SHROOM2: variants seen among roughly 807,000 people sequenced by gnomAD.
SHROOM2 encodes shroom family member 2, also known as protein Shroom2.
SHROOM2 carries 33 observed loss-of-function variants against 75.9 expected under a neutral mutation model. The ratio of observed to expected loss-of-function variants is 0.43; its 90% CI spans 0.33 to 0.58. SHROOM2 has a LOEUF of 0.58. Ranked by LOEUF, SHROOM2 falls within the 20% of genes least tolerant of loss-of-function variation. The pLI is 0.04. For synonymous variants in SHROOM2, 655 were observed against 663.6 expected (o/e 0.99, Z 0.20); for missense variants, 1,434 against 1,461.2 (o/e 0.98, Z 0.30).
Position 9,786,462 on chromosome X carries a change from G to T in SHROOM2, c.-84G>T, listed in dbSNP as rs1445948386. 4.8e-5 allele frequency: 35 copies of T among 732,403 alleles called. No individual in the cohort carries two copies. The highest frequency in any genetic ancestry group is 1.4e-3 in the Middle Eastern group (2 of 1,472). The allele number at this position is 732,403 out of a possible 1,213,427, so 60.4% of individuals were successfully genotyped here. On this transcript the variant is annotated 5_prime_UTR_variant, in exon 1 of 10. Transcript: ENST00000380913. ...TCCAAGTTACGGCGCAAGTTCTGCG[G>T]CGCTCGGAGCCTCCCTTGCGATCCC... is the stretch of plus-strand genomic sequence containing the variant.
rs1363809549 is a variant in SHROOM2, at chrX:9,813,334, T to C, written c.165+26624T>C. On this transcript the variant is annotated intron_variant, in intron 1 of 9. Transcript: ENST00000380913. Reference sequence around the variant, plus strand: ...GACCCACTGTAAGTCGGACCTGAGCTAAAACTCCATTAATTACCATACCTC... The same window carrying C: ...GACCCACTGTAAGTCGGACCTGAGCCAAAACTCCATTAATTACCATACCTC... Among the ~76,000 whole-genome samples, 3 of 111,046 alleles carry C rather than the reference T, an allele frequency of 2.7e-5. No homozygotes were observed. In the Admixed American group the frequency reaches 2.9e-4, roughly 11 times the overall value.
chrX:9,858,970 T>C (rs1348421906), intron 1 of SHROOM2, among the ~76,000 whole-genome samples: 4 of 110,668 alleles, frequency 3.6e-5, no homozygotes, highest in Non-Finnish European at 7.6e-5. Context: ...TCCCAGCATT[T>C]TGGCAGGCTG....
intron 1 of SHROOM2, among the ~76,000 whole-genome samples, chrX:9,869,260 C>G (rs1319184458): frequency 8.9e-6 from 1 of 112,589 alleles, no homozygotes; most frequent in Non-Finnish European, 1.9e-5. Flanking sequence ...CGCACCCAGC[C>G]CCTTGTTTTT....
intron 8 of SHROOM2, among the ~76,000 whole-genome samples, chrX:9,943,227 AAAAATAAAAT>A (rs1199115610): frequency 6.4e-5 from 7 of 109,908 alleles, no homozygotes; most frequent in African/African-American, 2.3e-4. Context: ...CCCTGTCTCA[AAAAATAAAAT>A]AAAATAAAAT....
At position 9,945,884 on chromosome X, in the gene SHROOM2, C is replaced by G. The variant is rs2084813949; in HGVS notation, c.4585-787C>G. Among the ~76,000 whole-genome samples, 3 of 112,647 alleles carry G rather than the reference C, an allele frequency of 2.7e-5. No individual in the cohort carries two copies. In the South Asian group the frequency reaches 1.1e-3, roughly 41 times the overall value. On this transcript the variant is annotated intron_variant, in intron 9 of 9. Transcript: ENST00000380913. ...GCTAGTTTTGTTTGCACAGAACAGG[C>G]CTTCAGAATGTTCATCTGTATCATG... is the stretch of plus-strand genomic sequence containing the variant.
In SHROOM2 at chrX:9,948,051, C is replaced by T. The variant is rs2084837922; in HGVS notation, c.*1114C>T. The T allele has an allele frequency of 9.0e-6, 1 of 111,694 alleles. No homozygotes were observed. Among genetic ancestry groups the T allele is most frequent in the Admixed American group, 9.5e-5 (1 of 10,497 alleles). The allele number at this position is 111,694 out of a possible 1,213,427, so 9.2% of individuals were successfully genotyped here. A position where few individuals can be genotyped will look rare whatever the true frequency, so the allele number is the denominator to read the frequency against. On this transcript the variant is annotated 3_prime_UTR_variant, in exon 10 of 10. Transcript: ENST00000380913. The stretch of plus-strand genomic sequence containing the variant: ...AAAACACTGTCATGCTGTCAGTTCC[C>T]AATTGACAAGTCACAGACTGGGAGA...
chrX:9,823,756 C>CTTT lies in SHROOM2; in HGVS notation c.165+37050_165+37052dup, dbSNP rs1293537759. On this transcript the variant is annotated intron_variant, in intron 1 of 9. Transcript: ENST00000380913. ...ACATTTTTTTTCTTTTTTCTTTTTT[C>CTTT]TTTTTTCTTTTTTTTTTTTTGAGAC... Among the ~76,000 whole-genome samples, 207 of 85,885 alleles carry CTTT rather than the reference C, an allele frequency of 2.4e-3. 22 individuals are homozygous for CTTT. The highest frequency in any genetic ancestry group is 3.4e-3 in the Admixed American group (22 of 6,486). The allele number at this position is 85,885 out of a possible 115,157, so 74.6% of individuals were successfully genotyped here. A position where few individuals can be genotyped will look rare whatever the true frequency, so the allele number is the denominator to read the frequency against.
rs148416024 is a variant in SHROOM2 at position 9,894,641 on chromosome X, C to T, written c.733C>T (p.Pro245Ser). 22 of 1,210,648 alleles carry T rather than the reference C, an allele frequency of 1.8e-5. No individual in the cohort carries two copies. Among genetic ancestry groups the T allele is most frequent in the South Asian group, 1.8e-5 (1 of 56,821 alleles). The change falls in exon 4 of 10, where the codon CCC becomes TCC. Residue 245 changes from proline to serine, a missense_variant. Around this residue, in one of 3 missense-constraint regions of SHROOM2, gnomAD observed 1,340 missense variants for 1,338.3 expected, o/e 1.00. Coordinates refer to ENST00000380913, the MANE Select transcript of SHROOM2 (RefSeq NM_001649.4). The part of the protein sequence containing the change: ...ILYTVGLWEA[P>S]RQGGRQAQAA... ...CTACACTGTGGGCCTCTGGGAGGCT[C>T]CCAGGCAGGGTGGCCGGCAGGCCCA...
rs2084831480 is a variant in SHROOM2, at chrX:9,947,400, C to T, written c.*463C>T. ...CATGGGCTGCCAGGTTTTGTCCCTG[C>T]TCGTTCAACAGTGTGAGCATTTGTC... On this transcript the variant is annotated 3_prime_UTR_variant, in exon 10 of 10. Coordinates refer to ENST00000380913, the MANE Select transcript of SHROOM2 (RefSeq NM_001649.4). The T allele has an allele frequency of 1.6e-5, 2 of 127,032 alleles. No individual in the cohort carries two copies. The highest frequency in any genetic ancestry group is 1.6e-5 in the Non-Finnish European group (1 of 62,726). The allele number at this position is 127,032 out of a possible 1,213,427, so 10.5% of individuals were successfully genotyped here. A position where few individuals can be genotyped will look rare whatever the true frequency, so the allele number is the denominator to read the frequency against.
At chrX:9,833,317 T>C (rs1257492845) in intron 1 of SHROOM2, among the ~76,000 whole-genome samples, 1 of 111,570 alleles carries the variant, frequency 9.0e-6, no homozygotes, top group African/African-American at 3.3e-5. Context: ...CTTGTGTTAG[T>C]GTAGTGACCC....
intron 1 of SHROOM2, among the ~76,000 whole-genome samples, chrX:9,809,700 G>T (rs1021726065): frequency 8.9e-6 from 1 of 112,296 alleles, no homozygotes; most frequent in Non-Finnish European, 1.9e-5. Context: ...ACAGAGTCTC[G>T]CTCTGTTGCC....
chrX:9,891,132 A>T (rs753780000), intron 3 of SHROOM2, 24 bp downstream of exon 3: 1 of 1,194,623 alleles, frequency 8.4e-7, no homozygotes, highest in East Asian at 3.0e-5. Flanking sequence ...CCCGTCCAGG[A>T]TGCCAGGTTT....
In SHROOM2 at chrX:9,896,031, A is replaced by G; in HGVS notation, c.2123A>G (p.Asp708Gly). ...KRRDLDPNPG[D>G]LYPESLEHRM... ...CGCGACTTGGACCCCAACCCAGGAG[A>G]CCTATACCCGGAGTCACTGGAACAC... Residue 708 changes from aspartate (D) to glycine (G), a missense_variant, in exon 4 of 10, where the codon GAC (aspartate) becomes GGC (glycine). Physicochemically the swap from Asp to Gly is moderately conservative, Grantham distance 94. Around this residue, in one of 3 missense-constraint regions of SHROOM2, gnomAD observed 1,340 missense variants for 1,338.3 expected, o/e 1.00. Coordinates refer to ENST00000380913, the MANE Select transcript of SHROOM2 (RefSeq NM_001649.4). The G allele has an allele frequency of 1.7e-6, 2 of 1,210,240 alleles. No individual in the cohort carries two copies. Among genetic ancestry groups the G allele is most frequent in the East Asian group, 3.0e-5 (1 of 33,794 alleles).
intron 5 of SHROOM2, among the ~76,000 whole-genome samples, chrX:9,903,914 C>A (rs2084377839): frequency 9.0e-6 from 1 of 110,785 alleles, no homozygotes; most frequent in African/African-American, 3.3e-5. Flanking sequence ...TTTAAGAAAC[C>A]CAGGACCGAG....
chrX:9,885,910 G>A (rs1004350039), intron 2 of SHROOM2, among the ~76,000 whole-genome samples: 2 of 99,588 alleles, frequency 2.0e-5, no homozygotes, highest in African/African-American at 7.6e-5. Flanking sequence ...CCATGATTGC[G>A]TCACTGTACT....
intron 1 of SHROOM2, among the ~76,000 whole-genome samples, chrX:9,838,999 T>C: frequency 9.0e-6 from 1 of 111,250 alleles, no homozygotes; most frequent in South Asian, 3.9e-4. Context: ...GATTGGACCC[T>C]TTCCTTCCCT....
chrX:9,926,573 G>C (rs759177233), intron 5 of SHROOM2, among the ~76,000 whole-genome samples: 1 of 111,138 alleles, frequency 9.0e-6, no homozygotes, highest in Non-Finnish European at 1.9e-5. Flanking sequence ...TTTCACTGTT[G>C]AGTGCTTATA....
At chrX:9,858,463 T>C (rs890317591) in intron 1 of SHROOM2, among the ~76,000 whole-genome samples, 4 of 112,520 alleles carry the variant, frequency 3.6e-5, no homozygotes, top group African/African-American at 1.3e-4. Context: ...ATCCCAGTTA[T>C]CTCTGTTTAA....
intron 4 of SHROOM2, among the ~76,000 whole-genome samples, chrX:9,897,465 T>C (rs113463294): frequency 9.3e-6 from 1 of 107,773 alleles, no homozygotes; most frequent in Admixed American, 1.0e-4. Flanking sequence ...GCATTTGCAG[T>C]TCTAGTACTT....
Sources: gnomAD v4.1 joint callset for allele counts (sites outside exome capture counted in the v4.1 genomes callset) on GRCh38, gnomAD v4.1.1 for gene constraint, gnomAD v4.1.1 regional missense constraint, MANE v1.5 for transcripts, NCBI Gene and HGNC (gene_info 2026-07-23, HGNC 2026-07-21) for gene names.